BACH2: variants seen among roughly 807,000 people sequenced by gnomAD.
BACH2 encodes the protein transcription regulator protein BACH2.
In BACH2, 5 loss-of-function variants were observed where a neutral mutation model predicts 61.8. The observed-to-expected ratio is 0.08, with a 90% CI of 0.04 to 0.17. The LOEUF (loss-of-function observed/expected upper bound fraction) is 0.17, where lower values mean the gene tolerates loss of function less well. BACH2 is among the 10% of genes least tolerant of loss of function. The pLI, the probability that BACH2 is intolerant of heterozygous loss-of-function variation, is 1.00. For synonymous variants in BACH2, 446 were observed against 440.1 expected (o/e 1.01, Z -0.17); for missense variants, 824 against 1,091.1 (o/e 0.76, Z 3.45).
chr6:90,227,614 G>A (rs1162091086), intron 3 of BACH2, among the ~76,000 whole-genome samples: 1 of 152,168 alleles, frequency 6.6e-6, no homozygotes, highest in Non-Finnish European at 1.5e-5. Flanking sequence ...GATGTAGACA[G>A]ACAGAATTAG....
At chr6:89,971,044 T>C (rs1314056706) in intron 6 of BACH2, among the ~76,000 whole-genome samples, 3 of 152,232 alleles carry the variant, frequency 2.0e-5, no homozygotes, top group Admixed American at 2.0e-4. Context: ...ATAAAGGCTA[T>C]TTTATTTATT....
intron 5 of BACH2, among the ~76,000 whole-genome samples, chr6:90,061,400 T>C (rs1018034973): frequency 6.6e-6 from 1 of 152,190 alleles, no homozygotes; most frequent in African/African-American, 2.4e-5. Context: ...ATGGACAGTT[T>C]CCAGTGTTTG....
At chr6:90,165,023 T>TCAC (rs1320394460) in intron 4 of BACH2, among the ~76,000 whole-genome samples, 1 of 152,178 alleles carries the variant, frequency 6.6e-6, no homozygotes, top group Non-Finnish European at 1.5e-5. Flanking sequence ...ATGCCCTGTC[T>TCAC]CACCACTCTT....
chr6:90,101,118 A>G (rs1782607412), intron 4 of BACH2, among the ~76,000 whole-genome samples: 1 of 152,174 alleles, frequency 6.6e-6, no homozygotes, highest in Non-Finnish European at 1.5e-5. Context: ...AGCTGTAAGA[A>G]TTCTTTATAT....
chr6:90,160,421 C>A (rs192255993), intron 4 of BACH2, among the ~76,000 whole-genome samples: 119 of 152,286 alleles, frequency 7.8e-4, no homozygotes, highest in Non-Finnish European at 1.2e-3. Flanking sequence ...TTATTTAAAA[C>A]ACAATTCTAT....
At chr6:90,005,297 G>A (rs899089360) in intron 6 of BACH2, among the ~76,000 whole-genome samples, 4 of 152,138 alleles carry the variant, frequency 2.6e-5, no homozygotes, top group South Asian at 4.1e-4. Flanking sequence ...GGAGCACAGC[G>A]GTTGGCTGCC....
At chr6:90,033,815 T>G (rs761917259) in intron 5 of BACH2, among the ~76,000 whole-genome samples, 35 of 152,166 alleles carry the variant, frequency 2.3e-4, no homozygotes, top group Non-Finnish European at 4.0e-4. Context: ...CCCGACAATG[T>G]TTCTTTTCAA....
chr6:90,139,677 G>A (rs909759937), intron 4 of BACH2, among the ~76,000 whole-genome samples: 6 of 152,178 alleles, frequency 3.9e-5, no homozygotes, highest in African/African-American at 1.2e-4. Flanking sequence ...CACGGTAAGC[G>A]TGATTGTGTA....
intron 5 of BACH2, among the ~76,000 whole-genome samples, chr6:90,045,451 A>G (rs2127792610): frequency 6.6e-6 from 1 of 152,340 alleles, no homozygotes. Context: ...TTTCAAATTA[A>G]TAAAGGTGGG....
At chr6:90,112,252 C>T (rs1185461957) in intron 4 of BACH2, among the ~76,000 whole-genome samples, 1 of 152,020 alleles carries the variant, frequency 6.6e-6, no homozygotes, top group Admixed American at 6.6e-5. Flanking sequence ...CATATAGTGG[C>T]TCCTGCAAGA....
chr6:90,002,742 C>A (rs1308868007), intron 6 of BACH2, among the ~76,000 whole-genome samples: 1 of 152,166 alleles, frequency 6.6e-6, no homozygotes, highest in South Asian at 2.1e-4. Flanking sequence ...TGGACTCCAG[C>A]CTGAGCAACA....
chr6:90,283,421 G>A (rs1771918636), intron 1 of BACH2, among the ~76,000 whole-genome samples: 1 of 151,504 alleles, frequency 6.6e-6, no homozygotes, highest in South Asian at 2.1e-4. Context: ...TGTTGCCCAG[G>A]CTGGAGTGCT....
chr6:90,271,149 A>T (rs1165010712), intron 2 of BACH2, among the ~76,000 whole-genome samples: 1 of 152,162 alleles, frequency 6.6e-6, no homozygotes, highest in Non-Finnish European at 1.5e-5. Context: ...ACTCTTCTAG[A>T]CATTGGCTTA....
At chr6:90,064,331 A>G (rs1279537508) in intron 5 of BACH2, among the ~76,000 whole-genome samples, 1 of 152,198 alleles carries the variant, frequency 6.6e-6, no homozygotes, top group Non-Finnish European at 1.5e-5. Context: ...ACAGGCACAT[A>G]TGGGAAGGGG....
chr6:90,115,809 TAAAC>T (rs1346772696), intron 4 of BACH2, among the ~76,000 whole-genome samples: 6 of 151,934 alleles, frequency 3.9e-5, no homozygotes, highest in African/African-American at 1.2e-4. Context: ...GTAAGGAACT[TAAAC>T]AAATTTACAA....
intron 6 of BACH2, among the ~76,000 whole-genome samples, chr6:90,006,178 C>G (rs1777395211): frequency 6.6e-6 from 1 of 152,192 alleles, no homozygotes; most frequent in Non-Finnish European, 1.5e-5. Context: ...AGGAGGATCC[C>G]TTGAGCTCAA....
chr6:90,060,871 T>A (rs1156979632), intron 5 of BACH2, among the ~76,000 whole-genome samples: 9 of 152,212 alleles, frequency 5.9e-5, no homozygotes. Flanking sequence ...CACCCCCACA[T>A]GACCGTCACA....
chr6:90,071,681 G>A (rs538609506), intron 5 of BACH2, among the ~76,000 whole-genome samples: 1 of 152,296 alleles, frequency 6.6e-6, no homozygotes, highest in South Asian at 2.1e-4. Flanking sequence ...AGGGGTTGGG[G>A]CGCCGATCCC....
chr6:90,291,012 C>T (rs1225380278), intron 1 of BACH2, among the ~76,000 whole-genome samples: 3 of 152,076 alleles, frequency 2.0e-5, no homozygotes, highest in African/African-American at 4.8e-5. Flanking sequence ...AACCAAGCGC[C>T]GGCTCTCATC....
Sources: gnomAD v4.1 joint callset for allele counts (sites outside exome capture counted in the v4.1 genomes callset) on GRCh38, gnomAD v4.1.1 for gene constraint, MANE v1.5 for transcripts, NCBI Gene and HGNC (gene_info 2026-07-23, HGNC 2026-07-21) for gene names.